The following TMEM117 variants were observed in gnomAD, a reference collection of about 807,000 sequenced individuals.
TMEM117 encodes transmembrane protein 117.
TMEM117 carries 27 observed loss-of-function variants against 52.4 expected under a neutral mutation model. The ratio of observed to expected loss-of-function variants is 0.51; its 90% CI spans 0.38 to 0.71. The LOEUF (loss-of-function observed/expected upper bound fraction) is 0.71, where lower values mean the gene tolerates loss of function less well. TMEM117 is among the 30% of genes least tolerant of loss of function. TMEM117 has a pLI of 0.00. For synonymous variants in TMEM117, 215 were observed against 206.3 expected, an observed-to-expected ratio of 1.04 and a Z score of -0.36; for missense variants, 556 against 630.5, an observed-to-expected ratio of 0.88 and a Z score of 1.26.
chr12:44,058,632 G>A (rs1947093374), intron 3 of TMEM117, among the ~76,000 whole-genome samples: 1 of 152,138 alleles, frequency 6.6e-6, no homozygotes, highest in Non-Finnish European at 1.5e-5. Context: ...TTCTTAAAAG[G>A]GTTTCTTCTG....
intron 3 of TMEM117, among the ~76,000 whole-genome samples, chr12:44,023,624 T>C (rs1388749759): frequency 1.3e-5 from 2 of 152,072 alleles, no homozygotes; most frequent in Non-Finnish European, 2.9e-5. Flanking sequence ...AAATGTCTTC[T>C]TTTGAGAAGT....
In TMEM117 at chr12:44,064,831, C is replaced by A. The variant is rs3858723; in HGVS notation, c.411-78694C>A. On this transcript the variant is annotated intron_variant, in intron 3 of 7. Transcript: ENST00000266534. Reference sequence around the variant, plus strand: ...ATAAGTCTAAAGCTATGATGTACAGCAGACTATAATTAATAATATTGTATT... The same window carrying A: ...ATAAGTCTAAAGCTATGATGTACAGAAGACTATAATTAATAATATTGTATT... 1.4e-3 allele frequency among the ~76,000 whole-genome samples: 216 copies of A among 152,096 alleles called. 3 individuals carry two copies. In the East Asian group the frequency reaches 0.025, roughly 18 times the overall value.
At chr12:43,916,351 C>T (rs1411402494) in intron 2 of TMEM117, among the ~76,000 whole-genome samples, 1 of 152,128 alleles carries the variant, frequency 6.6e-6, no homozygotes, top group Non-Finnish European at 1.5e-5. Flanking sequence ...AAAAAATTCT[C>T]TAGTAATCTG....
At chr12:43,868,196 C>T (rs1943641839) in intron 2 of TMEM117, among the ~76,000 whole-genome samples, 1 of 134,680 alleles carries the variant, frequency 7.4e-6, no homozygotes, top group Admixed American at 7.5e-5. Flanking sequence ...CTCCACCCAA[C>T]CCCCGCCCCC....
chr12:43,826,818 T>C, the TMEM117 span, among the ~76,000 whole-genome samples: 1 of 152,108 alleles, frequency 6.6e-6, no homozygotes, highest in Non-Finnish European at 1.5e-5. Context: ...CTAATAGAGT[T>C]GCGTGATACT....
At chr12:44,114,745 A>G (rs1948106817) in intron 3 of TMEM117, among the ~76,000 whole-genome samples, 1 of 152,198 alleles carries the variant, frequency 6.6e-6, no homozygotes, top group African/African-American at 2.4e-5. Flanking sequence ...CATAAGTATT[A>G]GTAGAAGTAT....
chr12:44,288,490 T>C (rs974779807), intron 5 of TMEM117, among the ~76,000 whole-genome samples: 2 of 152,122 alleles, frequency 1.3e-5, no homozygotes, highest in Non-Finnish European at 2.9e-5. Context: ...GAAAACCACG[T>C]ATCAAGAGCT....
At chr12:43,862,435 G>A (rs1179617698) in intron 2 of TMEM117, among the ~76,000 whole-genome samples, 1 of 152,200 alleles carries the variant, frequency 6.6e-6, no homozygotes, top group Non-Finnish European at 1.5e-5. Flanking sequence ...GGGATTACAG[G>A]CGTGAGCCGC....
At chr12:43,990,379 A>C (rs1404959325) in intron 3 of TMEM117, among the ~76,000 whole-genome samples, 2 of 152,236 alleles carry the variant, frequency 1.3e-5, no homozygotes, top group African/African-American at 4.8e-5. Flanking sequence ...TCCTTTTAAG[A>C]TACTATCATG....
intron 6 of TMEM117, among the ~76,000 whole-genome samples, chr12:44,334,246 A>C (rs931112276): frequency 1.3e-5 from 2 of 152,088 alleles, no homozygotes; most frequent in African/African-American, 4.8e-5. Flanking sequence ...ATAAAATTGT[A>C]TCTGCTGTGG....
intron 3 of TMEM117, among the ~76,000 whole-genome samples, chr12:44,103,971 G>C (rs922015693): frequency 1.3e-5 from 2 of 151,762 alleles, no homozygotes; most frequent in African/African-American, 2.4e-5. Flanking sequence ...CAGTTTCATT[G>C]TGAATCAACA....
chr12:44,026,761 A>C (rs1376311783), intron 3 of TMEM117, among the ~76,000 whole-genome samples: 1 of 152,124 alleles, frequency 6.6e-6, no homozygotes, highest in African/African-American at 2.4e-5. Context: ...AAAACTTTCA[A>C]ATATTCATAT....
intron 3 of TMEM117, among the ~76,000 whole-genome samples, chr12:44,074,099 C>A (rs1013211962): frequency 2.0e-5 from 3 of 152,094 alleles, no homozygotes; most frequent in Admixed American, 6.6e-5. Context: ...TCCCTGTTTT[C>A]TGTTTGATTT....
intron 3 of TMEM117, among the ~76,000 whole-genome samples, chr12:44,089,311 A>G (rs2138037729): frequency 6.6e-6 from 1 of 152,350 alleles, no homozygotes; most frequent in Middle Eastern, 3.4e-3. Context: ...AAATGGTAAT[A>G]TCTTCTAAAC....
At chr12:44,251,229 G>A (rs753374738) in intron 5 of TMEM117, among the ~76,000 whole-genome samples, 23 of 152,240 alleles carry the variant, frequency 1.5e-4, no homozygotes, top group East Asian at 1.9e-4. Flanking sequence ...AAAAGCTGAA[G>A]TATCATCATA....
intron 3 of TMEM117, among the ~76,000 whole-genome samples, chr12:43,998,339 T>C (rs1946065062): frequency 6.6e-6 from 1 of 152,138 alleles, no homozygotes; most frequent in Non-Finnish European, 1.5e-5. Flanking sequence ...AGTATATCTT[T>C]ATCTATCCAT....
At chr12:44,318,031 C>T (rs1258091713) in intron 6 of TMEM117, among the ~76,000 whole-genome samples, 1 of 152,140 alleles carries the variant, frequency 6.6e-6, no homozygotes, top group Non-Finnish European at 1.5e-5. Flanking sequence ...AAGTTCTCTG[C>T]ATGGGGAGGG....
the TMEM117 span, among the ~76,000 whole-genome samples, chr12:44,398,268 AG>A: frequency 6.6e-6 from 1 of 152,150 alleles, no homozygotes; most frequent in African/African-American, 2.4e-5. Context: ...CAAAGAAGGC[AG>A]AAGAGCCCAT....
chr12:43,796,980 C>G, the TMEM117 span: 5 of 1,606,828 alleles, frequency 3.1e-6, no homozygotes, highest in Non-Finnish European at 4.2e-6. Flanking sequence ...GGCTACCTTT[C>G]TAATTACATC....
Sources: gnomAD v4.1 joint callset for allele counts (sites outside exome capture counted in the v4.1 genomes callset) on GRCh38, gnomAD v4.1.1 for gene constraint, MANE v1.5 for transcripts, NCBI Gene and HGNC (gene_info 2026-07-23, HGNC 2026-07-21) for gene names.